Variants in BPIFC observed in about 807,000 individuals in gnomAD.
BPIFC encodes BPI fold-containing family C protein.
BPIFC carries 60 observed loss-of-function variants against 57.6 expected under a neutral mutation model. That is an observed-to-expected ratio of 1.04 (90% confidence interval 0.85 to 1.29). The LOEUF (loss-of-function observed/expected upper bound fraction) is 1.29, where lower values mean the gene tolerates loss of function less well. Among genes scored for constraint, BPIFC ranks in the 50% most tolerant of loss-of-function variants. The pLI, the probability that BPIFC is intolerant of heterozygous loss-of-function variation, is 0.00. For synonymous variants in BPIFC, 243 were observed against 224.5 expected, an observed-to-expected ratio of 1.08 and a Z score of -0.74; for missense variants, 581 against 600.5, an observed-to-expected ratio of 0.97 and a Z score of 0.34.
chr22:32,463,264 G>T (rs1935200806), intron 1 of BPIFC, among the ~76,000 whole-genome samples: 2 of 152,260 alleles, frequency 1.3e-5, no homozygotes, highest in African/African-American at 4.8e-5. Flanking sequence ...CTACTAAAAG[G>T]TTAAGTAATT....
intron 3 of BPIFC, among the ~76,000 whole-genome samples, chr22:32,454,235 T>C (rs938079920): frequency 1.3e-5 from 2 of 152,184 alleles, no homozygotes; most frequent in Non-Finnish European, 2.9e-5. Flanking sequence ...TTCCACACTC[T>C]TTTTTCCTTT....
chr22:32,432,586 G>GT (rs1328983626), intron 11 of BPIFC, 43 bp from the exon 12 acceptor site: 1 of 1,592,184 alleles, frequency 6.3e-7, no homozygotes, highest in East Asian at 2.2e-5. Flanking sequence ...TGAGGCGTGA[G>GT]TTGGTGAAGG....
In BPIFC at chr22:32,432,485, G is replaced by A; in HGVS notation, c.1037C>T (p.Pro346Leu). The A allele has an allele frequency of 1.9e-6, 3 of 1,614,094 alleles. No homozygotes were observed. The highest frequency in any genetic ancestry group is 2.5e-6 in the Non-Finnish European group (3 of 1,180,016). Residue 346 changes from proline (P) to leucine (L), a missense_variant, in exon 12 of 17, where the codon CCT (proline) becomes CTT (leucine). Coordinates refer to ENST00000300399, the MANE Select transcript of BPIFC (RefSeq NM_174932.3). ...PFMVRIMATEPPIINLQPGNF... is the reference protein window; with the variant it reads ...PFMVRIMATELPIINLQPGNF... ...GCCTGGTTGTAGATTGATTATGGGAGGCTCTGTGGCCATGATCCTCACCAT... is the reference window on the plus strand; with the variant it reads ...GCCTGGTTGTAGATTGATTATGGGAAGCTCTGTGGCCATGATCCTCACCAT...
chr22:32,431,884 T>TGAAGC (rs1934253201), intron 12 of BPIFC, among the ~76,000 whole-genome samples: 1 of 151,728 alleles, frequency 6.6e-6, no homozygotes, highest in Non-Finnish European at 1.5e-5. Context: ...GATTTTACAA[T>TGAAGC]GTATGAGAGT....
Position 32,461,617 on chromosome 22 carries a change from C to T in BPIFC, c.-44G>A. On this transcript the variant is annotated 5_prime_UTR_variant, in exon 2 of 17. Coordinates refer to ENST00000300399, the MANE Select transcript of BPIFC (RefSeq NM_174932.3). ...CCAGCTGATCTTCTGCTGTGCTGGG[C>T]CTTTCTTGATCCTTTAGTTGCCCTT... The T allele has an allele frequency of 3.0e-6, 3 of 985,430 alleles. No homozygotes were observed. Among genetic ancestry groups the T allele is most frequent in the Middle Eastern group, 1.0e-3 (2 of 1,914 alleles). The allele number at this position is 985,430 out of a possible 1,614,324, so 61.0% of individuals were successfully genotyped here.
intron 2 of BPIFC, among the ~76,000 whole-genome samples, chr22:32,458,178 C>T (rs992089944): frequency 6.6e-6 from 1 of 152,164 alleles, no homozygotes; most frequent in Non-Finnish European, 1.5e-5. Flanking sequence ...TGACCCTATG[C>T]CTCCACTTCC....
chr22:32,437,581 G>C (rs187642564), intron 9 of BPIFC, among the ~76,000 whole-genome samples, 179 bp downstream of exon 9: 1 of 152,100 alleles, frequency 6.6e-6, no homozygotes, highest in African/African-American at 2.4e-5. Flanking sequence ...AGTAGAGACG[G>C]GGTTTCACCA....
At chr22:32,461,473 A>G in intron 2 of BPIFC, 101 bp downstream of exon 2, 1 of 560,220 alleles carries the variant, frequency 1.8e-6, no homozygotes, top group Non-Finnish European at 2.3e-6. Flanking sequence ...TGAAGGTTGG[A>G]GGAAATGTGG....
chr22:32,424,867 C>T (rs186112635), intron 13 of BPIFC, among the ~76,000 whole-genome samples: 7 of 148,080 alleles, frequency 4.7e-5, no homozygotes, highest in Admixed American at 2.0e-4. Flanking sequence ...CTGCAACCTC[C>T]GCTTCCTGCA....
chr22:32,432,426 T>C lies in BPIFC; in HGVS notation c.1096A>G (p.Met366Val). The C allele has an allele frequency of 6.2e-7, 1 of 1,614,042 alleles. No individual in the cohort carries two copies. Among genetic ancestry groups the C allele is most frequent in the Non-Finnish European group, 8.5e-7 (1 of 1,180,024 alleles). Residue 366 changes from methionine to valine, a missense_variant, in exon 12 of 17, where the codon ATG becomes GTG. Transcript: ENST00000300399. Reference protein sequence around the residue: ...FTLDIPASIMMLTQPKNSTVE... With the variant: ...FTLDIPASIMVLTQPKNSTVE... ...GTGGAGTTCTTGGGTTGGGTGAGCA[T>C]CATGATGGAGGCAGGGATGTCCAGG...
At chr22:32,464,202 T>C (rs1395620302) in intron 1 of BPIFC, among the ~76,000 whole-genome samples, 172 bp downstream of exon 1, 4 of 152,184 alleles carry the variant, frequency 2.6e-5, no homozygotes, top group African/African-American at 4.8e-5. Context: ...CAGGTGCGCA[T>C]ATGTGACATC....
intron 10 of BPIFC, 73 bp from the exon 11 acceptor site, chr22:32,433,845 C>T (rs1166166790): frequency 3.0e-6 from 4 of 1,316,140 alleles, no homozygotes; most frequent in Non-Finnish European, 4.4e-6. Context: ...ATGTAGTGTT[C>T]CCTATAATTT....
intron 4 of BPIFC, among the ~76,000 whole-genome samples, chr22:32,452,795 C>T (rs1483103107): frequency 6.6e-6 from 1 of 152,174 alleles, no homozygotes; most frequent in Non-Finnish European, 1.5e-5. Context: ...GAATCACAGT[C>T]ACAGAGAACC....
chr22:32,452,536 G>T (rs1254892421), intron 4 of BPIFC, among the ~76,000 whole-genome samples: 1 of 151,992 alleles, frequency 6.6e-6, no homozygotes, highest in Non-Finnish European at 1.5e-5. Context: ...CTACTTGGGA[G>T]GCTGAGGCAG....
At chr22:32,421,419 C>T (rs751791607) in intron 13 of BPIFC, among the ~76,000 whole-genome samples, 4 of 152,138 alleles carry the variant, frequency 2.6e-5, no homozygotes, top group Non-Finnish European at 2.9e-5. Flanking sequence ...TCGTATCTTG[C>T]TTTTCCTCTT....
chr22:32,443,338 T>C (rs1045028309), intron 7 of BPIFC, among the ~76,000 whole-genome samples: 2 of 152,162 alleles, frequency 1.3e-5, no homozygotes, highest in African/African-American at 2.4e-5. Context: ...TAATTTTTTG[T>C]ATTTTTAGTA....
intron 8 of BPIFC, among the ~76,000 whole-genome samples, chr22:32,439,313 G>A (rs891624045): frequency 2.0e-5 from 3 of 149,530 alleles, no homozygotes; most frequent in Admixed American, 6.6e-5. Context: ...TAACAAGAGC[G>A]AAACTCCGTC....
At chr22:32,435,905 C>G in intron 9 of BPIFC, 25 bp from the exon 10 acceptor site, 1 of 1,598,146 alleles carries the variant, frequency 6.3e-7, no homozygotes, top group Non-Finnish European at 8.5e-7. Flanking sequence ...AGAGAAAGAC[C>G]AGTGTATCAG....
At chr22:32,454,058 C>G (rs1404891151) in intron 3 of BPIFC, among the ~76,000 whole-genome samples, 1 of 152,176 alleles carries the variant, frequency 6.6e-6, no homozygotes, top group Admixed American at 6.5e-5. Context: ...CTGCAGTAAG[C>G]CATGATTGCA....
Sources: gnomAD v4.1 joint callset for allele counts (sites outside exome capture counted in the v4.1 genomes callset) on GRCh38, gnomAD v4.1.1 for gene constraint, MANE v1.5 for transcripts, NCBI Gene and HGNC (gene_info 2026-07-23, HGNC 2026-07-21) for gene names.